Variants in PDE4D observed in about 807,000 individuals in gnomAD.
PDE4D encodes phosphodiesterase 4D, also known as 3',5'-cyclic-AMP phosphodiesterase 4D.
In PDE4D, 24 loss-of-function variants were observed where a neutral mutation model predicts 87.4. The observed-to-expected ratio is 0.27, with a 90% CI of 0.20 to 0.39. The LOEUF is 0.39. Among genes scored for constraint, PDE4D ranks in the 10% least tolerant of loss-of-function variants. The probability of loss-of-function intolerance (pLI) is 1.00; values close to 1 mark genes in which losing one functional copy is unlikely to be tolerated. For synonymous variants in PDE4D, 384 were observed against 383.2 expected (o/e 1.00, Z -0.02); for missense variants, 714 against 1,041.0 (o/e 0.69, Z 4.32).
intron 2 of PDE4D, among the ~76,000 whole-genome samples, chr5:60,104,065 C>A (rs1418446542): frequency 6.6e-6 from 1 of 152,184 alleles, no homozygotes; most frequent in Admixed American, 6.5e-5. Flanking sequence ...GGCATTGCCT[C>A]ACTTGGGAAG....
At chr5:59,238,873 A>T (rs2153521250) in intron 1 of PDE4D, among the ~76,000 whole-genome samples, 1 of 152,340 alleles carries the variant, frequency 6.6e-6, no homozygotes, top group Admixed American at 6.5e-5. Context: ...ACTTTAAGAC[A>T]GTAAGAAATG....
chr5:59,881,359 AT>A (rs761107492), intron 1 of PDE4D, among the ~76,000 whole-genome samples: 5 of 152,104 alleles, frequency 3.3e-5, no homozygotes, highest in African/African-American at 1.2e-4. Context: ...CCTTATTATC[AT>A]TTTTTTATTT....
intron 2 of PDE4D, among the ~76,000 whole-genome samples, chr5:59,995,321 C>CTT (rs70975357): frequency 0.019 from 2,619 of 140,144 alleles, 71 homozygotes; most frequent in African/African-American, 0.052. Context: ...TTCTTTCTTT[C>CTT]TTTTTTTTTT....
chr5:59,345,198 G>A (rs17781354), intron 1 of PDE4D, among the ~76,000 whole-genome samples: 16,510 of 152,144 alleles, frequency 0.11, 989 homozygotes, highest in Middle Eastern at 0.13. Context: ...GACTTACACT[G>A]CCTATGCATT....
At chr5:59,999,420 C>A (rs993395753) in intron 2 of PDE4D, among the ~76,000 whole-genome samples, 2 of 149,928 alleles carry the variant, frequency 1.3e-5, no homozygotes, top group African/African-American at 4.9e-5. Flanking sequence ...GTGGTACAGA[C>A]AGACACCAGA....
At chr5:59,410,734 T>C (rs1028134899) in intron 1 of PDE4D, among the ~76,000 whole-genome samples, 2 of 152,164 alleles carry the variant, frequency 1.3e-5, no homozygotes, top group Non-Finnish European at 2.9e-5. Flanking sequence ...TTTTTTTGCA[T>C]CCATTTGTCT....
At chr5:59,697,356 G>A (rs1751934446) in intron 1 of PDE4D, among the ~76,000 whole-genome samples, 1 of 152,142 alleles carries the variant, frequency 6.6e-6, no homozygotes, top group East Asian at 1.9e-4. Context: ...GGCACATAGA[G>A]GGCCAAAGGG....
At chr5:59,268,369 A>T (rs1171453232) in intron 1 of PDE4D, among the ~76,000 whole-genome samples, 1 of 152,128 alleles carries the variant, frequency 6.6e-6, no homozygotes, top group African/African-American at 2.4e-5. Flanking sequence ...TTGACAAAGA[A>T]CTAGGCAATT....
intron 3 of PDE4D, among the ~76,000 whole-genome samples, chr5:59,949,159 C>A (rs917428627): frequency 1.2e-4 from 19 of 152,268 alleles, no homozygotes; most frequent in Admixed American, 3.9e-4. Context: ...AGGCTGGGCG[C>A]GGTGGCTCAT....
chr5:60,381,310 T>C (rs1761842208), intron 1 of PDE4D, among the ~76,000 whole-genome samples: 1 of 152,218 alleles, frequency 6.6e-6, no homozygotes, highest in Non-Finnish European at 1.5e-5. Flanking sequence ...TGTCACACGG[T>C]ATTGCTTGCA....
At position 60,119,569 on chromosome 5, in the gene PDE4D, T is replaced by G. The variant is rs75728394; in HGVS notation, c.42+65988A>C. 7.1e-3 allele frequency among the ~76,000 whole-genome samples: 1,081 copies of G among 152,366 alleles called. 22 individuals are homozygous for G. Among genetic ancestry groups the G allele is most frequent in the East Asian group, 0.047 (242 of 5,188 alleles). ...TAAATCTCAGCTCCTTCATTGACCT[T>G]GGATAAGTTACTTAATCCCTTGGCT... On this transcript the variant is annotated intron_variant, in intron 2 of 16. Coordinates refer to the PDE4D transcript ENST00000502484.
At chr5:59,899,272 A>G (rs2152761094) in intron 3 of PDE4D, among the ~76,000 whole-genome samples, 2 of 152,216 alleles carry the variant, frequency 1.3e-5, no homozygotes, top group East Asian at 3.9e-4. Flanking sequence ...CTACATAGAA[A>G]ACACCTGTTC....
intron 1 of PDE4D, among the ~76,000 whole-genome samples, chr5:60,265,740 G>T (rs996872985): frequency 2.0e-5 from 3 of 152,144 alleles, no homozygotes; most frequent in Non-Finnish European, 2.9e-5. Flanking sequence ...AGGGGCCAGA[G>T]TCACCTGCCA....
chr5:60,475,324 T>G (rs1369161455), intron 1 of PDE4D, among the ~76,000 whole-genome samples: 2 of 152,164 alleles, frequency 1.3e-5, no homozygotes, highest in Non-Finnish European at 2.9e-5. Flanking sequence ...GGCTTGTTAG[T>G]GGGTTTATAC....
At chr5:59,010,035 C>G (rs958019691) in intron 6 of PDE4D, among the ~76,000 whole-genome samples, 5 of 152,102 alleles carry the variant, frequency 3.3e-5, no homozygotes, top group Admixed American at 2.0e-4. Flanking sequence ...TGTGAAAAGC[C>G]TTTAGGTTGG....
At chr5:59,764,062 C>T (rs951957110) in intron 1 of PDE4D, among the ~76,000 whole-genome samples, 4 of 152,132 alleles carry the variant, frequency 2.6e-5, no homozygotes, top group African/African-American at 9.7e-5. Flanking sequence ...CACCAAACCC[C>T]ACAGTTCTGC....
intron 5 of PDE4D, among the ~76,000 whole-genome samples, chr5:59,065,639 G>A (rs527300310): frequency 2.1e-4 from 32 of 152,216 alleles, no homozygotes; most frequent in Middle Eastern, 3.4e-3. Context: ...TAAATCTAAA[G>A]TTTCCTTGGG....
intron 1 of PDE4D, among the ~76,000 whole-genome samples, chr5:59,216,318 C>T (rs945920634): frequency 1.3e-5 from 2 of 152,074 alleles, no homozygotes; most frequent in Non-Finnish European, 2.9e-5. Context: ...TATTTGAATT[C>T]GATTCAACAA....
chr5:59,979,174 T>C (rs546629636), intron 3 of PDE4D, among the ~76,000 whole-genome samples: 4 of 151,894 alleles, frequency 2.6e-5, no homozygotes, highest in African/African-American at 9.6e-5. Flanking sequence ...GTTGGAGAAA[T>C]AAGAAAGCCA....
Sources: gnomAD v4.1 joint callset for allele counts (sites outside exome capture counted in the v4.1 genomes callset) on GRCh38, gnomAD v4.1.1 for gene constraint, MANE v1.5 for transcripts, NCBI Gene and HGNC (gene_info 2026-07-23, HGNC 2026-07-21) for gene names.